Variants in DOK7 observed in about 807,000 individuals in gnomAD.
DOK7 encodes the protein protein Dok-7.
A neutral mutation model predicts 30.7 loss-of-function variants in DOK7; 32 were observed. The ratio of observed to expected loss-of-function variants is 1.04; its 90% CI spans 0.79 to 1.40. The LOEUF is 1.40. DOK7 is among the 40% of genes most tolerant of loss of function. The pLI is 0.00. For synonymous variants in DOK7, 447 were observed against 324.1 expected (o/e 1.38, Z -4.07); for missense variants, 1,007 against 699.2 (o/e 1.44, Z -4.97).
At chr4:3,486,741 G>A (rs905994756) in intron 5 of DOK7, among the ~76,000 whole-genome samples, 1 of 152,062 alleles carries the variant, frequency 6.6e-6, no homozygotes, top group Non-Finnish European at 1.5e-5. Context: ...ACCCCTGCAG[G>A]TGTCTTCCTG....
At chr4:3,492,446 A>T (rs1348905177) in intron 6 of DOK7, among the ~76,000 whole-genome samples, 4 of 58,278 alleles carry the variant, frequency 6.9e-5, no homozygotes, top group Non-Finnish European at 1.0e-4. Context: ...TTAGGCAGGG[A>T]GGGTGGGGAG....
intron 6 of DOK7, 124 bp downstream of exon 6, chr4:3,489,920 T>C (rs1477220883): frequency 3.5e-6 from 5 of 1,410,678 alleles, no homozygotes; most frequent in Non-Finnish European, 4.7e-6. Context: ...ATTCCTTCTG[T>C]CTCCTGCTCA....
At chr4:3,488,713 T>A (rs772534404) in intron 5 of DOK7, among the ~76,000 whole-genome samples, 2 of 152,112 alleles carry the variant, frequency 1.3e-5, no homozygotes, top group Non-Finnish European at 2.9e-5. Flanking sequence ...AAGGTGGGTG[T>A]CAGGAGGTGT....
At chr4:3,463,451 G>GGGGC in intron 1 of DOK7, 22 bp downstream of exon 1, 2 of 84,146 alleles carry the variant, frequency 2.4e-5, no homozygotes, top group Non-Finnish European at 3.0e-5. Context: ...TCGGGGGCGC[G>GGGGC]GGGGGGGGGG....
intron 4 of DOK7, 67 bp downstream of exon 4, chr4:3,476,609 C>T: frequency 6.2e-7 from 1 of 1,600,532 alleles, no homozygotes; most frequent in Admixed American, 1.7e-5. Flanking sequence ...GAACTGCTGG[C>T]TTCGGGCCGG....
intron 2 of DOK7, among the ~76,000 whole-genome samples, chr4:3,465,067 G>A (rs938970623): frequency 8.5e-5 from 13 of 152,166 alleles, no homozygotes; most frequent in African/African-American, 3.1e-4. Flanking sequence ...AAGCCTTGAG[G>A]CCAGGTGTCC....
chr4:3,496,992 T>A (rs1728946959), downstream of DOK7: 2 of 807,462 alleles, frequency 2.5e-6, no homozygotes, highest in Admixed American at 5.5e-5. Context: ...CAGCAGGGAA[T>A]GTGGGCAATG....
chr4:3,494,093 CCA>C lies in DOK7; in HGVS notation c.*594_*595del, dbSNP rs900792731. The stretch of plus-strand genomic sequence containing the variant: ...TTGCGGGGTCTCTGGGTTCTGGGCC[CCA>C]CTGTTCCCCAGTGAAGCCCTTGTGG... On this transcript the variant is annotated 3_prime_UTR_variant, in exon 7 of 7. Coordinates refer to ENST00000340083, the MANE Select transcript of DOK7 (RefSeq NM_173660.5). 2.0e-6 allele frequency: 2 copies of C among 986,256 alleles called. No homozygotes were observed. Among genetic ancestry groups the C allele is most frequent in the African/African-American group, 1.7e-5 (1 of 57,264 alleles). 61.1% of individuals were successfully genotyped at this position (986,256 alleles called of 1,614,324 possible).
At chr4:3,466,274 C>T (rs560485003) in intron 2 of DOK7, among the ~76,000 whole-genome samples, 1 of 152,318 alleles carries the variant, frequency 6.6e-6, no homozygotes, top group African/African-American at 2.4e-5. Context: ...GCTTAGTCTC[C>T]CCTATCCTTG....
chr4:3,476,599 G>C, intron 4 of DOK7, 57 bp downstream of exon 4: 3 of 1,606,894 alleles, frequency 1.9e-6, no homozygotes, highest in Non-Finnish European at 2.6e-6. Flanking sequence ...CTTCCCCTGA[G>C]AACTGCTGGC....
intron 5 of DOK7, among the ~76,000 whole-genome samples, chr4:3,488,585 C>T (rs115408679): frequency 7.9e-4 from 120 of 152,350 alleles, no homozygotes; most frequent in African/African-American, 2.7e-3. Flanking sequence ...GGGACTGTAC[C>T]TTCTGGTCCT....
chr4:3,500,563 C>T, intron 7 of DOK7: 2 of 1,492,082 alleles, frequency 1.3e-6, no homozygotes, highest in African/African-American at 1.4e-5. Flanking sequence ...CCTGGCCAGG[C>T]CACATCCCCT....
chr4:3,484,811 G>A (rs1338420224), intron 4 of DOK7: 14 of 985,408 alleles, frequency 1.4e-5, no homozygotes, highest in East Asian at 1.1e-4. Context: ...CGCGGTGCTG[G>A]CCAGCAGTGA....
intron 5 of DOK7, among the ~76,000 whole-genome samples, chr4:3,487,228 G>A (rs1290020948): frequency 1.2e-5 from 1 of 85,198 alleles, no homozygotes; most frequent in South Asian, 5.7e-4. Context: ...CCACCCGGAG[G>A]TGGGTTGAGC....
exon 7 of DOK7, chr4:3,500,291 G>C (rs996495720): frequency 4.6e-6 from 7 of 1,535,958 alleles, no homozygotes; most frequent in Non-Finnish European, 6.1e-6. Flanking sequence ...CAGGACCAGA[G>C]AGGCCGCGCG....
At chr4:3,491,207 CT>C (rs1724388738) in intron 6 of DOK7, among the ~76,000 whole-genome samples, 1 of 58,768 alleles carries the variant, frequency 1.7e-5, no homozygotes, top group African/African-American at 6.7e-5. Flanking sequence ...TCCTTCCCCC[CT>C]GCTCATTCCT....
intron 2 of DOK7, among the ~76,000 whole-genome samples, chr4:3,469,021 TGC>T (rs1361826497): frequency 6.6e-6 from 1 of 150,908 alleles, no homozygotes; most frequent in African/African-American, 2.4e-5. Flanking sequence ...TGAGTGTGTG[TGC>T]CTGTGTATGT....
At chr4:3,490,776 C>T (rs1159292737) in intron 6 of DOK7, among the ~76,000 whole-genome samples, 9 of 79,056 alleles carry the variant, frequency 1.1e-4, no homozygotes, top group African/African-American at 2.2e-4. Context: ...TTTCCTTCTC[C>T]CCCGGCTCAT....
intron 6 of DOK7, among the ~76,000 whole-genome samples, chr4:3,490,951 C>T (rs1256954548): frequency 6.2e-5 from 9 of 145,750 alleles, no homozygotes; most frequent in African/African-American, 2.0e-4. Context: ...TCATTCATTC[C>T]TTCTCCCCCT....
Sources: gnomAD v4.1 joint callset for allele counts (sites outside exome capture counted in the v4.1 genomes callset) on GRCh38, gnomAD v4.1.1 for gene constraint, MANE v1.5 for transcripts, NCBI Gene and HGNC (gene_info 2026-07-23, HGNC 2026-07-21) for gene names.